Variants in LMO7 observed in about 807,000 individuals in gnomAD.
LMO7 encodes the protein LIM domain 7, also known as LIM domain only protein 7.
LMO7 carries 120 observed loss-of-function variants against 206.5 expected under a neutral mutation model. That is an observed-to-expected ratio of 0.58 (90% confidence interval 0.50 to 0.68). The LOEUF (loss-of-function observed/expected upper bound fraction) is 0.68. Ranked by LOEUF, LMO7 falls within the 30% of genes least tolerant of loss-of-function variation. The pLI is 0.00. For synonymous variants in LMO7, 706 were observed against 681.5 expected (o/e 1.04, Z -0.56); for missense variants, 1,959 against 1,957.9 (o/e 1.00, Z -0.01).
At chr13:75,829,682 G>C (rs757638969) in intron 15 of LMO7, among the ~76,000 whole-genome samples, 1 of 135,844 alleles carries the variant, frequency 7.4e-6, no homozygotes, top group Admixed American at 8.0e-5. Context: ...TTTCGATTTC[G>C]TGTTTAATAT....
intron 2 of LMO7, among the ~76,000 whole-genome samples, chr13:75,717,154 G>T (rs1055511090): frequency 7.2e-5 from 11 of 152,074 alleles, no homozygotes; most frequent in African/African-American, 2.6e-4. Context: ...ATGAGGTCAG[G>T]AGATCGAGAC....
chr13:75,830,075 A>G (rs1010920380), intron 15 of LMO7, among the ~76,000 whole-genome samples: 6 of 152,176 alleles, frequency 3.9e-5, no homozygotes, highest in African/African-American at 1.4e-4. Context: ...TGATTCTGTC[A>G]TTATTATCTT....
chr13:75,644,563 G>A (rs2036847137), intron 1 of LMO7, among the ~76,000 whole-genome samples: 1 of 152,190 alleles, frequency 6.6e-6, no homozygotes, highest in Non-Finnish European at 1.5e-5. Flanking sequence ...GTTATTTCTT[G>A]TGATGTTAGT....
At chr13:75,698,296 TATA>T (rs1207078537) in intron 1 of LMO7, among the ~76,000 whole-genome samples, 1 of 151,826 alleles carries the variant, frequency 6.6e-6, no homozygotes, top group East Asian at 1.9e-4. Context: ...ATATATGTAA[TATA>T]ATATACTTAT....
chr13:75,753,404 T>C (rs1201340962), intron 3 of LMO7, among the ~76,000 whole-genome samples: 1 of 152,152 alleles, frequency 6.6e-6, no homozygotes, highest in Admixed American at 6.5e-5. Context: ...TGCAGAAGCC[T>C]TTTAGTTTAA....
intron 22 of LMO7, 52 bp from the exon 23 acceptor site, chr13:75,841,057 C>A: frequency 2.7e-6 from 3 of 1,122,454 alleles, no homozygotes; most frequent in Non-Finnish European, 4.0e-6. Context: ...AAGAAGATTC[C>A]TAATGTGAAG....
chr13:75,858,304 A>G lies in LMO7; in HGVS notation c.*361A>G, dbSNP rs1349843004. On this transcript the variant is annotated 3_prime_UTR_variant, in exon 31 of 31. Transcript: ENST00000377534. Reference sequence around the variant, plus strand: ...GGGTATTTTATTGTTTTTTAAAAAAAGGTTCTTAAACATTATTTGAAATAG... The same window carrying G: ...GGGTATTTTATTGTTTTTTAAAAAAGGGTTCTTAAACATTATTTGAAATAG... The G allele has an allele frequency of 9.9e-6, 2 of 201,668 alleles. No individual in the cohort carries two copies. The highest frequency in any genetic ancestry group is 5.9e-5 in the Admixed American group (1 of 16,884). The allele number at this position is 201,668 out of a possible 1,614,324, so 12.5% of individuals were successfully genotyped here.
At chr13:75,812,359 AT>A (rs2056496142) in intron 11 of LMO7, among the ~76,000 whole-genome samples, 1 of 152,234 alleles carries the variant, frequency 6.6e-6, no homozygotes, top group South Asian at 2.1e-4. Context: ...TCTTCAGAGA[AT>A]TCCTATAGTA....
intron 4 of LMO7, among the ~76,000 whole-genome samples, chr13:75,787,113 A>G (rs1355434879): frequency 6.6e-6 from 1 of 152,238 alleles, no homozygotes; most frequent in East Asian, 1.9e-4. Flanking sequence ...AACACATTTT[A>G]TATAACCGAA....
At chr13:75,624,602 A>T (rs1371080182) in intron 2 of LMO7, among the ~76,000 whole-genome samples, 1 of 152,208 alleles carries the variant, frequency 6.6e-6, no homozygotes, top group East Asian at 1.9e-4. Context: ...AAGAGGTTTA[A>T]TGGACTTACA....
chr13:75,626,213 G>A (rs913295220), intron 2 of LMO7, among the ~76,000 whole-genome samples: 4 of 152,036 alleles, frequency 2.6e-5, no homozygotes, highest in African/African-American at 7.2e-5. Flanking sequence ...GTATTAGTCC[G>A]TTTTCACACT....
chr13:75,772,655 G>C (rs1010546594), intron 4 of LMO7, among the ~76,000 whole-genome samples: 1 of 151,996 alleles, frequency 6.6e-6, no homozygotes, highest in African/African-American at 2.4e-5. Flanking sequence ...CCAAATGAAG[G>C]ATATGAAGAC....
chr13:75,840,174 T>C, intron 21 of LMO7, 64 bp downstream of exon 21: 1 of 1,469,908 alleles, frequency 6.8e-7, no homozygotes. Flanking sequence ...TAGTACACCG[T>C]AGCATGCTTA....
intron 1 of LMO7, among the ~76,000 whole-genome samples, chr13:75,681,724 A>ATATATATATATATATG (rs1318164227): frequency 2.0e-5 from 2 of 100,862 alleles, no homozygotes; most frequent in African/African-American, 6.9e-5. Context: ...ATATGTATAT[A>ATATATATATATATATG]TATATATATA....
intron 11 of LMO7, among the ~76,000 whole-genome samples, chr13:75,811,690 C>T (rs1364930795): frequency 3.3e-5 from 5 of 152,118 alleles, no homozygotes; most frequent in Non-Finnish European, 5.9e-5. Context: ...ATTTTTAAGA[C>T]GCTTTGTATG....
chr13:75,768,914 TG>T (rs2049256343), intron 4 of LMO7, among the ~76,000 whole-genome samples: 1 of 152,048 alleles, frequency 6.6e-6, no homozygotes, highest in African/African-American at 2.4e-5. Flanking sequence ...ACTAACAACA[TG>T]AAAAATCTTG....
At chr13:75,703,011 C>A (rs190692852) in intron 1 of LMO7, among the ~76,000 whole-genome samples, 42 of 152,302 alleles carry the variant, frequency 2.8e-4, no homozygotes, top group Admixed American at 2.7e-3. Flanking sequence ...GATATACTTT[C>A]ATGTACTCTT....
chr13:75,704,769 G>A (rs1332718591), intron 1 of LMO7, among the ~76,000 whole-genome samples: 1 of 152,186 alleles, frequency 6.6e-6, no homozygotes, highest in African/African-American at 2.4e-5. Context: ...GGAACTGAGC[G>A]ATAGAGCTTC....
chr13:75,759,457 T>A (rs1422385135), intron 3 of LMO7, among the ~76,000 whole-genome samples: 1 of 152,170 alleles, frequency 6.6e-6, no homozygotes, highest in African/African-American at 2.4e-5. Flanking sequence ...CCTCTTGGAA[T>A]TTTGCCAATA....
Sources: allele counts gnomAD v4.1 joint callset (sites outside exome capture counted in the v4.1 genomes callset), GRCh38; gene constraint gnomAD v4.1.1; transcripts MANE v1.5; gene names NCBI Gene and HGNC (gene_info 2026-07-23, HGNC 2026-07-21).